The following CORO7 variants were observed in gnomAD, a reference collection of about 807,000 sequenced individuals.
CORO7 encodes coronin 7.
CORO7 carries 107 observed loss-of-function variants against 126.6 expected under a neutral mutation model. The observed-to-expected ratio is 0.85, with a 90% confidence interval of 0.72 to 0.99. The LOEUF is 0.99. Ranked by LOEUF, CORO7 falls within the 50% of genes least tolerant of loss-of-function variation. The pLI, the probability that CORO7 is intolerant of heterozygous loss-of-function variation, is 0.00. For synonymous variants in CORO7, 603 were observed against 536.8 expected, an observed-to-expected ratio of 1.12 and a Z score of -1.70; for missense variants, 1,314 against 1,255.8, an observed-to-expected ratio of 1.05 and a Z score of -0.70.
chr16:4,409,232 T>C (rs1430823233), intron 3 of CORO7, among the ~76,000 whole-genome samples: 3 of 152,128 alleles, frequency 2.0e-5, no homozygotes, highest in Admixed American at 1.3e-4. Context: ...AGGGAAAAGA[T>C]AGGACGGACG....
chr16:4,359,205 A>T, intron 23 of CORO7, 91 bp downstream of exon 23: 1 of 1,388,316 alleles, frequency 7.2e-7, no homozygotes, highest in Non-Finnish European at 9.6e-7. Context: ...CTGACCCCCG[A>T]CCCACAGGCT....
intron 8 of CORO7, 81 bp from the exon 9 acceptor site, chr16:4,388,149 G>C: frequency 2.0e-6 from 3 of 1,534,006 alleles, no homozygotes; most frequent in Non-Finnish European, 2.6e-6. Context: ...ACCAGCGCCT[G>C]AGGGTGCAGC....
rs753904069 is a variant in CORO7, at chr16:4,364,936, T to C, written c.899-16A>G. The C allele has an allele frequency of 2.2e-4, 353 of 1,608,372 alleles. 1 individual carries two copies. Among genetic ancestry groups the C allele is most frequent in the Non-Finnish European group, 2.9e-4 (340 of 1,178,292 alleles). On this transcript the variant is annotated splice_polypyrimidine_tract_variant and intron_variant, in intron 11 of 27. Transcript: ENST00000251166. ...CACTGGGTCACTGTTGAGGACACCA[T>C]AGGGGAACAGGCAGGATGGGCAGGG...
intron 9 of CORO7, among the ~76,000 whole-genome samples, chr16:4,386,507 C>A (rs2055198342): frequency 6.6e-6 from 1 of 152,182 alleles, no homozygotes. Context: ...AGATGCCAGG[C>A]AGCTCCGGGC....
intron 9 of CORO7, chr16:4,381,701 G>A (rs1292951857): frequency 5.0e-6 from 8 of 1,607,852 alleles, no homozygotes; most frequent in East Asian, 2.2e-5. Context: ...AGCAACCTAA[G>A]CCTGCAGGCC....
At chr16:4,389,844 G>A (rs1160341339) in intron 7 of CORO7, among the ~76,000 whole-genome samples, 2 of 152,202 alleles carry the variant, frequency 1.3e-5, no homozygotes, top group African/African-American at 4.8e-5. Flanking sequence ...AGCCCACCAG[G>A]TGGCTCTTAG....
intron 9 of CORO7, among the ~76,000 whole-genome samples, chr16:4,369,311 G>A (rs961800524): frequency 1.3e-4 from 20 of 152,270 alleles, no homozygotes; most frequent in African/African-American, 4.3e-4. Context: ...CTGACCCCAG[G>A]CTGTGTGAAG....
At chr16:4,369,538 C>T (rs997190801) in intron 9 of CORO7, among the ~76,000 whole-genome samples, 5 of 152,214 alleles carry the variant, frequency 3.3e-5, no homozygotes, top group African/African-American at 1.2e-4. Context: ...CAGCCAGGTC[C>T]CAGGAGCTAG....
chr16:4,400,804 A>AATAATAATAATAATAATG (rs1466281492), intron 6 of CORO7, among the ~76,000 whole-genome samples: 16 of 147,244 alleles, frequency 1.1e-4, no homozygotes, highest in African/African-American at 4.0e-4. Context: ...GTGCAATAAT[A>AATAATAATAATAATAATG]ATAATAATAA....
At chr16:4,392,168 C>A (rs1301130970) in intron 7 of CORO7, among the ~76,000 whole-genome samples, 1 of 152,182 alleles carries the variant, frequency 6.6e-6, no homozygotes, top group African/African-American at 2.4e-5. Context: ...GGTTCTGAGG[C>A]CTCGACACTC....
chr16:4,375,644 G>C (rs571999327), intron 9 of CORO7, among the ~76,000 whole-genome samples: 3 of 152,266 alleles, frequency 2.0e-5, no homozygotes, highest in Non-Finnish European at 2.9e-5. Flanking sequence ...CCTGCCACCA[G>C]GCCTGGCTAA....
At position 4,413,304 on chromosome 16, in the gene CORO7, C is replaced by A; in HGVS notation, c.157+4G>T. ...AAATATCCACACTCATGGCCATTCC[C>A]TACCAGGACGGTCGGAGTTGAAGGC... On this transcript the variant is annotated splice_donor_region_variant and intron_variant, in intron 2 of 27. Transcript: ENST00000251166. 7 of 1,571,348 alleles carry A rather than the reference C, an allele frequency of 4.5e-6. No homozygotes were observed. The highest frequency in any genetic ancestry group is 4.3e-6 in the Non-Finnish European group (5 of 1,156,866).
At chr16:4,411,712 T>C (rs2056216990) in intron 3 of CORO7, among the ~76,000 whole-genome samples, 1 of 151,854 alleles carries the variant, frequency 6.6e-6, no homozygotes, top group Admixed American at 6.6e-5. Context: ...TCAACTGCCT[T>C]CCCTCACCCG....
At chr16:4,416,430 A>G in intron 1 of CORO7, 29 bp downstream of exon 1, 1 of 1,548,768 alleles carries the variant, frequency 6.5e-7, no homozygotes, top group Non-Finnish European at 8.7e-7. Flanking sequence ...GCCCGAGGCG[A>G]CAGCGCCCGG....
At chr16:4,358,965 T>C in intron 23 of CORO7, 1 of 391,674 alleles carries the variant, frequency 2.6e-6, no homozygotes, top group Non-Finnish European at 4.6e-6. Flanking sequence ...TTTGTAGAGA[T>C]GGGGTCTTGC....
At chr16:4,360,410 G>A in intron 20 of CORO7, 34 bp downstream of exon 20, 1 of 1,613,142 alleles carries the variant, frequency 6.2e-7, no homozygotes, top group Non-Finnish European at 8.5e-7. Context: ...CCTGAACCAG[G>A]TCTGAGGCCA....
At chr16:4,380,081 T>A (rs1224982410) in intron 9 of CORO7, among the ~76,000 whole-genome samples, 2 of 147,380 alleles carry the variant, frequency 1.4e-5, no homozygotes, top group Non-Finnish European at 3.0e-5. Context: ...AAAAAGTAGA[T>A]GAATGACTCT....
At chr16:4,365,674 C>G in intron 9 of CORO7, 129 bp from the exon 10 acceptor site, 2 of 1,283,404 alleles carry the variant, frequency 1.6e-6, no homozygotes, top group Admixed American at 2.4e-5. Flanking sequence ...CATGTTCAGC[C>G]TGGTCCCCAG....
chr16:4,393,126 A>G (rs1438133240), intron 7 of CORO7, among the ~76,000 whole-genome samples: 1 of 152,192 alleles, frequency 6.6e-6, no homozygotes, highest in African/African-American at 2.4e-5. Flanking sequence ...ACGTGGGCCC[A>G]GTGAGCTGGC....
Sources: gnomAD v4.1 joint callset for allele counts (sites outside exome capture counted in the v4.1 genomes callset) on GRCh38, gnomAD v4.1.1 for gene constraint, MANE v1.5 for transcripts, NCBI Gene and HGNC (gene_info 2026-07-23, HGNC 2026-07-21) for gene names.